Variants in SLC7A9 observed in about 807,000 individuals in gnomAD.
SLC7A9 encodes the protein solute carrier family 7 member 9.
Under a neutral mutation model 54.1 loss-of-function variants are expected in SLC7A9, and 38 were observed. The ratio of observed to expected loss-of-function variants is 0.70; its 90% CI spans 0.54 to 0.92. SLC7A9 has a LOEUF of 0.92. Among genes scored for constraint, SLC7A9 ranks in the 40% least tolerant of loss-of-function variants. The pLI is 0.00. For missense variants in SLC7A9, 537 were observed against 636.1 expected (o/e 0.84, Z 1.68); for synonymous variants, 264 against 258.9 (o/e 1.02, Z -0.19).
chr19:32,842,301 A>G lies in SLC7A9; in HGVS notation c.1091T>C (p.Ile364Thr). ...AIIFYGIIAT[I>T]YIIPGDINSL... ...GTTTATGTCACCAGGGATGATATAA[A>G]TCGTTGCTATGATACCCTAATAGAA... The change falls in exon 11 of 13, where the codon ATT becomes ACT. Residue 364 changes from isoleucine to threonine, a missense_variant. Transcript: ENST00000023064. The G allele has an allele frequency of 8.1e-6, 13 of 1,613,950 alleles. No homozygotes were observed. The highest frequency in any genetic ancestry group is 1.1e-5 in the Non-Finnish European group (13 of 1,179,820).
At chr19:32,837,488 A>G (rs1181640550) in intron 11 of SLC7A9, among the ~76,000 whole-genome samples, 3 of 80,456 alleles carry the variant, frequency 3.7e-5, no homozygotes, top group Middle Eastern at 5.6e-3. Context: ...AGGAGATTCC[A>G]TCTCAAAAAA....
chr19:32,833,149 T>C lies in SLC7A9; in HGVS notation c.1399A>G (p.Lys467Glu), dbSNP rs201241670. The C allele has an allele frequency of 6.8e-6, 11 of 1,614,100 alleles. No homozygotes were observed. The East Asian group carries it at 2.5e-4, about 36-fold the overall frequency. The change falls in exon 12 of 13, where the codon AAG becomes GAG. Residue 467 changes from lysine (K) to glutamate (E), a missense_variant and splice_region_variant. By Grantham distance (56) the Lys-to-Glu change is moderately conservative. Coordinates refer to ENST00000023064, the MANE Select transcript of SLC7A9 (RefSeq NM_014270.5). ...YKFGWAQKIS[K>E]PITMHLQMLM... Reference sequence around the variant, plus strand: ...AAGCGGCCCTTCTGTTGGTACTTACTTGAGATTTTCTGAGCCCATCCAAAC... The same window carrying C: ...AAGCGGCCCTTCTGTTGGTACTTACCTGAGATTTTCTGAGCCCATCCAAAC...
chr19:32,868,377 C>A (rs961574386), intron 2 of SLC7A9, 71 bp downstream of exon 2: 24 of 1,156,030 alleles, frequency 2.1e-5, no homozygotes, highest in East Asian at 7.0e-5. Flanking sequence ...CCGGATTTCA[C>A]TGCCTGCGCC....
chr19:32,858,416 G>T, intron 9 of SLC7A9, 24 bp downstream of exon 9: 1 of 1,525,480 alleles, frequency 6.6e-7, no homozygotes, highest in Non-Finnish European at 9.1e-7. Flanking sequence ...GTCCACCCTG[G>T]GAGTGACGGT....
rs117795380 is a variant in SLC7A9, at chr19:32,841,831, G to A, written c.1224+337C>T. Among the ~76,000 whole-genome samples, 297 of 152,216 alleles carry A rather than the reference G, an allele frequency of 2.0e-3. 1 individual carries two copies. The highest frequency in any genetic ancestry group is 3.9e-3 in the Non-Finnish European group (263 of 68,020). ...CTGAAGCAGGAGAGTTGCCTGAACCGGGGAGGCAGAGGCTGCAGTGAGCCA... is the reference window on the plus strand; with the variant it reads ...CTGAAGCAGGAGAGTTGCCTGAACCAGGGAGGCAGAGGCTGCAGTGAGCCA... On this transcript the variant is annotated intron_variant, in intron 11 of 12. Coordinates refer to ENST00000023064, the MANE Select transcript of SLC7A9 (RefSeq NM_014270.5).
chr19:32,856,784 C>T (rs965043689), intron 9 of SLC7A9, among the ~76,000 whole-genome samples: 2 of 152,074 alleles, frequency 1.3e-5, no homozygotes, highest in Non-Finnish European at 2.9e-5. Flanking sequence ...ACCATGTGGC[C>T]CAGACTAGTC....
At chr19:32,838,702 G>A (rs1968038216) in intron 11 of SLC7A9, among the ~76,000 whole-genome samples, 3 of 142,276 alleles carry the variant, frequency 2.1e-5, no homozygotes, top group South Asian at 2.2e-4. Flanking sequence ...ATGTATATAT[G>A]TACTTATATG....
In SLC7A9 at chr19:32,853,950, A is replaced by G. The variant is rs529665371; in HGVS notation, c.977+4490T>C. On this transcript the variant is annotated intron_variant, in intron 9 of 12. Coordinates refer to ENST00000023064, the MANE Select transcript of SLC7A9 (RefSeq NM_014270.5). Reference sequence around the variant, plus strand: ...AAAAAAAAAAACACCAACAAACAAAAAAGTTGTTAAAACAAGATTAAAGAC... The same window carrying G: ...AAAAAAAAAAACACCAACAAACAAAGAAGTTGTTAAAACAAGATTAAAGAC... Among the ~76,000 whole-genome samples the G allele has an allele frequency of 8.2e-4, 125 of 151,620 alleles. 2 individuals are homozygous for G. Among genetic ancestry groups the G allele is most frequent in the Admixed American group, 4.6e-4 (7 of 15,204 alleles).
chr19:32,830,546 AAAAG>A lies in SLC7A9; in HGVS notation c.*70_*73del, dbSNP rs1967747216. ...CTGAGTATATTTTATTCGTAAGAAA[AAAAG>A]GAAGAAATAACCACAAATATTGCTT... is the stretch of plus-strand genomic sequence containing the variant. On this transcript the variant is annotated 3_prime_UTR_variant, in exon 13 of 13. Coordinates refer to ENST00000023064, the MANE Select transcript of SLC7A9 (RefSeq NM_014270.5). 1.7e-6 allele frequency: 2 copies of A among 1,156,026 alleles called. No individual in the cohort carries two copies. The highest frequency in any genetic ancestry group is 2.6e-6 in the Non-Finnish European group (2 of 763,520). 71.6% of individuals were successfully genotyped at this position (1,156,026 alleles called of 1,614,324 possible).
intron 11 of SLC7A9, among the ~76,000 whole-genome samples, chr19:32,835,436 C>T (rs1033402484): frequency 1.3e-5 from 2 of 152,130 alleles, no homozygotes; most frequent in African/African-American, 2.4e-5. Context: ...AAGATTAATA[C>T]AAATCATAAG....
chr19:32,865,327 C>G (rs1181061328), intron 2 of SLC7A9, among the ~76,000 whole-genome samples: 1 of 152,184 alleles, frequency 6.6e-6, no homozygotes, highest in Non-Finnish European at 1.5e-5. Flanking sequence ...TATTTAGAGT[C>G]AGATCTCTCT....
intron 2 of SLC7A9, among the ~76,000 whole-genome samples, chr19:32,865,969 A>C (rs1568533442): frequency 1.3e-5 from 2 of 151,958 alleles, no homozygotes; most frequent in African/African-American, 4.8e-5. Flanking sequence ...AAAAAAAAAA[A>C]AAAAAACCTG....
rs192044858 is a variant in SLC7A9 at position 32,868,141 on chromosome 19, G to A, written c.87+307C>T. On this transcript the variant is annotated intron_variant, in intron 2 of 12. Coordinates refer to ENST00000023064, the MANE Select transcript of SLC7A9 (RefSeq NM_014270.5). ...AGCTACTCGGGAGGCTGAGTCAGAA[G>A]AATCCCTTGAACCGGGGAGGTGAAG... 2.9e-3 allele frequency among the ~76,000 whole-genome samples: 423 copies of A among 145,294 alleles called. 3 individuals are homozygous for A. The highest frequency in any genetic ancestry group is 0.01 in the African/African-American group (394 of 39,208).
chr19:32,853,353 A>G (rs181478611), intron 9 of SLC7A9, among the ~76,000 whole-genome samples: 3 of 152,316 alleles, frequency 2.0e-5, no homozygotes, highest in Admixed American at 2.0e-4. Context: ...ATGATCTAGA[A>G]TTGGATTGTG....
chr19:32,863,856 G>C (rs1453810352), intron 4 of SLC7A9, among the ~76,000 whole-genome samples: 1 of 152,234 alleles, frequency 6.6e-6, no homozygotes, highest in Non-Finnish European at 1.5e-5. Flanking sequence ...CACCACGCCA[G>C]GAGAAGCTGG....
At chr19:32,858,746 T>C (rs1173553814) in intron 8 of SLC7A9, among the ~76,000 whole-genome samples, 1 of 144,434 alleles carries the variant, frequency 6.9e-6, no homozygotes, top group Admixed American at 7.1e-5. Context: ...AAGTCTCTTA[T>C]CTACTACTCC....
chr19:32,859,371 G>A (rs1324104325), intron 8 of SLC7A9, among the ~76,000 whole-genome samples: 1 of 151,872 alleles, frequency 6.6e-6, no homozygotes, highest in Non-Finnish European at 1.5e-5. Context: ...GCAGCCCCCA[G>A]TCTTGTGGTC....
At chr19:32,850,139 T>C (rs989685818) in intron 9 of SLC7A9, among the ~76,000 whole-genome samples, 3 of 149,292 alleles carry the variant, frequency 2.0e-5, no homozygotes, top group Admixed American at 6.7e-5. Flanking sequence ...GGGTGCCCTC[T>C]CTCACCATTC....
intron 11 of SLC7A9, among the ~76,000 whole-genome samples, chr19:32,834,831 C>A (rs1967911307): frequency 6.6e-6 from 1 of 152,154 alleles, no homozygotes; most frequent in Non-Finnish European, 1.5e-5. Flanking sequence ...CGCTCTGTCG[C>A]TCAGGCTGGA....
Sources: allele counts gnomAD v4.1 joint callset (sites outside exome capture counted in the v4.1 genomes callset), GRCh38; gene constraint gnomAD v4.1.1; transcripts MANE v1.5; gene names NCBI Gene and HGNC (gene_info 2026-07-23, HGNC 2026-07-21).